The following PPFIA2 variants were observed in gnomAD, a reference collection of about 807,000 sequenced individuals.
PPFIA2 encodes liprin-alpha-2.
A neutral mutation model predicts 175.5 loss-of-function variants in PPFIA2; 46 were observed. The observed-to-expected ratio is 0.26, with a 90% confidence interval of 0.21 to 0.34. The LOEUF is 0.34. Among genes scored for constraint, PPFIA2 ranks in the 10% least tolerant of loss-of-function variants. The pLI is 1.00. For synonymous variants in PPFIA2, 568 were observed against 511.4 expected, an observed-to-expected ratio of 1.11 and a Z score of -1.49; for missense variants, 1,179 against 1,506.1, an observed-to-expected ratio of 0.78 and a Z score of 3.60.
At chr12:81,368,052 A>G (rs2034030759) in intron 13 of PPFIA2, 1 of 1,179,892 alleles carries the variant, frequency 8.5e-7, no homozygotes, top group African/African-American at 1.6e-5. Flanking sequence ...AGTGATTGGC[A>G]TTCAATCTAG....
At chr12:81,448,561 C>T (rs1566877543) in intron 5 of PPFIA2, among the ~76,000 whole-genome samples, 1 of 152,180 alleles carries the variant, frequency 6.6e-6, no homozygotes, top group Admixed American at 6.5e-5. Context: ...TTATACATCC[C>T]AAAGGGATCT....
intron 4 of PPFIA2, among the ~76,000 whole-genome samples, chr12:81,518,472 C>A (rs188385772): frequency 2.6e-4 from 39 of 152,286 alleles, no homozygotes; most frequent in African/African-American, 9.4e-4. Flanking sequence ...CACTCCTCCA[C>A]GCTTTCTCAT....
At position 81,462,967 on chromosome 12, in the gene PPFIA2, G is replaced by A. The variant is rs146661161; in HGVS notation, c.304-5101C>T. Among the ~76,000 whole-genome samples, 523 of 152,046 alleles carry A rather than the reference G, an allele frequency of 3.4e-3. 2 individuals are homozygous for A. Among genetic ancestry groups the A allele is most frequent in the African/African-American group, 0.012 (508 of 41,492 alleles). Reference sequence around the variant, plus strand: ...CACATTGGTCTTATTCATGCTTAAAGTGAAAGTATGTGTTTAACTAATATG... The same window carrying A: ...CACATTGGTCTTATTCATGCTTAAAATGAAAGTATGTGTTTAACTAATATG... On this transcript the variant is annotated intron_variant, in intron 4 of 32. Coordinates refer to ENST00000549396, the MANE Select transcript of PPFIA2 (RefSeq NM_003625.5).
intron 4 of PPFIA2, among the ~76,000 whole-genome samples, chr12:81,617,030 G>A (rs2061478565): frequency 6.6e-6 from 1 of 152,124 alleles, no homozygotes; most frequent in Non-Finnish European, 1.5e-5. Context: ...CTTTCTAGAT[G>A]AACAAAACTT....
At chr12:81,388,682 T>C (rs1178096196) in intron 8 of PPFIA2, among the ~76,000 whole-genome samples, 1 of 152,068 alleles carries the variant, frequency 6.6e-6, no homozygotes, top group Non-Finnish European at 1.5e-5. Flanking sequence ...ATAAAAACCT[T>C]GAAAAACAAA....
intron 8 of PPFIA2, among the ~76,000 whole-genome samples, chr12:81,400,866 T>C (rs761728011): frequency 2.6e-5 from 4 of 152,172 alleles, no homozygotes; most frequent in Non-Finnish European, 5.9e-5. Context: ...ATTTGTTGTA[T>C]GGTCATTGAA....
intron 4 of PPFIA2, among the ~76,000 whole-genome samples, chr12:81,641,931 T>C (rs2065021604): frequency 6.6e-6 from 1 of 152,346 alleles, no homozygotes; most frequent in East Asian, 1.9e-4. Flanking sequence ...CTCCCACTTT[T>C]GTACTTGCAT....
chr12:81,264,310 T>C (rs1307861335), intron 30 of PPFIA2, among the ~76,000 whole-genome samples: 1 of 152,180 alleles, frequency 6.6e-6, no homozygotes, highest in Middle Eastern at 3.2e-3. Context: ...TTTGTGTACA[T>C]AAAGTACTTT....
Position 81,542,999 on chromosome 12 carries a change from C to T in PPFIA2, c.304-85133G>A, listed in dbSNP as rs148564736. 3.8e-4 allele frequency among the ~76,000 whole-genome samples: 58 copies of T among 152,186 alleles called. 1 individual carries two copies. The highest frequency in any genetic ancestry group is 2.7e-3 in the South Asian group (13 of 4,818). On this transcript the variant is annotated intron_variant, in intron 4 of 32. Transcript: ENST00000549396. ...CTATCCCAGCTCTTAAAATTTCTTC[C>T]GCCATTTGTTTTAAGGAGAATTAAG...
chr12:81,744,030 G>A (rs1297978935), intron 3 of PPFIA2, among the ~76,000 whole-genome samples: 3 of 152,124 alleles, frequency 2.0e-5, no homozygotes, highest in Non-Finnish European at 4.4e-5. Flanking sequence ...AGATTAGAGA[G>A]ACTATAATTC....
rs74748859 is a variant in PPFIA2 at position 81,527,350 on chromosome 12, A to G, written c.304-69484T>C. ...AACACTAGGTATTTACTCCTACTAT[A>G]TACACCCCGGGGAGCTCCATTTTAT... On this transcript the variant is annotated intron_variant, in intron 4 of 32. Transcript: ENST00000549396. 7.5e-3 allele frequency among the ~76,000 whole-genome samples: 1,066 copies of G among 141,706 alleles called. 27 individuals are homozygous for G. In the East Asian group the frequency reaches 0.077, roughly 10 times the overall value. 93.0% of individuals were successfully genotyped at this position (141,706 alleles called of 152,430 possible). A position where few individuals can be genotyped will look rare whatever the true frequency, so the allele number is the denominator to read the frequency against.
At chr12:81,415,654 C>G (rs1406299161) in intron 7 of PPFIA2, among the ~76,000 whole-genome samples, 2 of 148,008 alleles carry the variant, frequency 1.4e-5, no homozygotes, top group Non-Finnish European at 3.0e-5. Context: ...AACTGGAATG[C>G]AAAACTGTTA....
In PPFIA2 at chr12:81,470,047, C is replaced by T. The variant is rs558717075; in HGVS notation, c.304-12181G>A. Among the ~76,000 whole-genome samples the T allele has an allele frequency of 7.2e-5, 11 of 152,256 alleles. No individual in the cohort carries two copies. In the South Asian group the frequency reaches 2.3e-3, roughly 32 times the overall value. On this transcript the variant is annotated intron_variant, in intron 4 of 32. Transcript: ENST00000549396. ...GGAAATATATCTTTGTTGATTAAGC[C>T]ATCCAGTCTATGGTATTTTGTTATG... is the stretch of plus-strand genomic sequence containing the variant.
chr12:81,366,956 G>A (rs370827610), intron 14 of PPFIA2, among the ~76,000 whole-genome samples, 152 bp downstream of exon 14: 2 of 151,420 alleles, frequency 1.3e-5, no homozygotes, highest in African/African-American at 2.4e-5. Flanking sequence ...CTCTATGTAC[G>A]CTTTTCTGCA....
intron 7 of PPFIA2, among the ~76,000 whole-genome samples, chr12:81,419,324 T>C (rs1334596543): frequency 6.6e-6 from 1 of 152,042 alleles, no homozygotes; most frequent in Non-Finnish European, 1.5e-5. Context: ...TGAAATGTTA[T>C]TCATGAAAAA....
At chr12:81,639,768 T>G (rs1055070485) in intron 4 of PPFIA2, among the ~76,000 whole-genome samples, 4 of 152,130 alleles carry the variant, frequency 2.6e-5, no homozygotes, top group South Asian at 4.1e-4. Flanking sequence ...CGATATAATA[T>G]TTCACTGTAG....
intron 4 of PPFIA2, among the ~76,000 whole-genome samples, chr12:81,550,960 ATGGTGATAAATGG>A: frequency 6.6e-6 from 1 of 151,954 alleles, no homozygotes; most frequent in East Asian, 1.9e-4. Flanking sequence ...GGAGTTATCA[ATGGTGATAAATGG>A]TGCATTATGA....
chr12:81,505,271 T>TAA lies in PPFIA2; in HGVS notation c.304-47407_304-47406dup, dbSNP rs575686286. ...TGTATCCCAGAACTTAAAGTATAAT[T>TAA]AAAAAAAAAAAAAAGAAAGAAAAGG... On this transcript the variant is annotated intron_variant, in intron 4 of 32. Coordinates refer to ENST00000549396, the MANE Select transcript of PPFIA2 (RefSeq NM_003625.5). Among the ~76,000 whole-genome samples the TAA allele has an allele frequency of 7.1e-5, 9 of 127,450 alleles. No homozygotes were observed. The East Asian group carries it at 8.7e-4, about 12-fold the overall frequency. The allele number at this position is 127,450 out of a possible 152,430, so 83.6% of individuals were successfully genotyped here. A position where few individuals can be genotyped will look rare whatever the true frequency, so the allele number is the denominator to read the frequency against.
intron 4 of PPFIA2, among the ~76,000 whole-genome samples, chr12:81,662,343 A>G (rs1160003210): frequency 1.3e-5 from 2 of 152,186 alleles, no homozygotes; most frequent in Admixed American, 6.5e-5. Flanking sequence ...AATCAAATAG[A>G]CGCAATAAAC....
Sources: gnomAD v4.1 joint callset for allele counts (sites outside exome capture counted in the v4.1 genomes callset) on GRCh38, gnomAD v4.1.1 for gene constraint, MANE v1.5 for transcripts, NCBI Gene and HGNC (gene_info 2026-07-23, HGNC 2026-07-21) for gene names.